The following DPP10 variants were observed in gnomAD, a reference collection of about 807,000 sequenced individuals.
DPP10 encodes the protein dipeptidyl peptidase like 10.
In DPP10, 33 loss-of-function variants were observed where a neutral mutation model predicts 120.9. The observed-to-expected ratio is 0.27, with a 90% confidence interval of 0.21 to 0.37. The LOEUF (loss-of-function observed/expected upper bound fraction) is 0.37. Among genes scored for constraint, DPP10 ranks in the 10% least tolerant of loss-of-function variants. The probability of loss-of-function intolerance (pLI) is 1.00; values close to 1 mark genes in which losing one functional copy is unlikely to be tolerated. For synonymous variants in DPP10, 337 were observed against 326.1 expected (o/e 1.03, Z -0.36); for missense variants, 816 against 942.8 (o/e 0.87, Z 1.76).
At chr2:115,447,867 C>T (rs2072754338) in intron 3 of DPP10, among the ~76,000 whole-genome samples, 1 of 152,180 alleles carries the variant, frequency 6.6e-6, no homozygotes, top group East Asian at 1.9e-4. Context: ...CATGTTTTAT[C>T]TCAACCAACA....
rs7565047 is a variant in DPP10, at chr2:114,550,481, G to A, written c.60+107643G>A. ...CACAGCCAGTAAGGAGCAGGGCTGG[G>A]ACTTCGACCAGACATCTGCTGGCAG... On this transcript the variant is annotated intron_variant, in intron 1 of 25. Coordinates refer to ENST00000410059, the MANE Select transcript of DPP10 (RefSeq NM_020868.6). Among the ~76,000 whole-genome samples the A allele has an allele frequency of 8.4e-3, 1,279 of 152,332 alleles. 17 individuals carry two copies. The highest frequency in any genetic ancestry group is 0.029 in the African/African-American group (1,194 of 41,572).
intron 5 of DPP10, among the ~76,000 whole-genome samples, chr2:115,659,651 A>G (rs996608179): frequency 2.6e-5 from 4 of 152,186 alleles, no homozygotes; most frequent in Non-Finnish European, 5.9e-5. Flanking sequence ...CCATAGGTGT[A>G]AAATGATGGC....
chr2:114,632,679 AT>A (rs1695022801), intron 1 of DPP10, among the ~76,000 whole-genome samples: 1 of 151,308 alleles, frequency 6.6e-6, no homozygotes, highest in African/African-American at 2.4e-5. Context: ...TGCCCAGCTA[AT>A]TTTTTGTATT....
At chr2:115,452,690 A>G (rs528013357) in intron 3 of DPP10, among the ~76,000 whole-genome samples, 1 of 152,002 alleles carries the variant, frequency 6.6e-6, no homozygotes, top group Non-Finnish European at 1.5e-5. Flanking sequence ...TTTACATGTC[A>G]TATGGGAGTG....
At chr2:115,017,409 T>C (rs892056766) in intron 1 of DPP10, among the ~76,000 whole-genome samples, 2 of 152,142 alleles carry the variant, frequency 1.3e-5, no homozygotes, top group Non-Finnish European at 2.9e-5. Context: ...TTGGTGGGAC[T>C]GTAAATTGGT....
chr2:114,981,441 A>G (rs1234272863), intron 1 of DPP10, among the ~76,000 whole-genome samples: 1 of 152,226 alleles, frequency 6.6e-6, no homozygotes, highest in East Asian at 1.9e-4. Context: ...TAAAAGATAT[A>G]CACATAAGTG....
chr2:115,328,412 A>T (rs910406449), intron 2 of DPP10, among the ~76,000 whole-genome samples: 3 of 152,048 alleles, frequency 2.0e-5, no homozygotes, highest in African/African-American at 7.2e-5. Context: ...GTAAATCCTA[A>T]AGCTCTTGAC....
intron 4 of DPP10, among the ~76,000 whole-genome samples, chr2:115,519,429 A>G (rs891563902): frequency 2.0e-5 from 3 of 152,162 alleles, no homozygotes; most frequent in Non-Finnish European, 4.4e-5. Flanking sequence ...ATATATATAT[A>G]GAGAGAGCAT....
chr2:115,472,394 C>A (rs1174102231), intron 3 of DPP10, among the ~76,000 whole-genome samples: 1 of 152,116 alleles, frequency 6.6e-6, no homozygotes, highest in Non-Finnish European at 1.5e-5. Context: ...AGATATATTA[C>A]AAAAGCAGAA....
At chr2:114,984,275 C>T (rs1700267143) in intron 1 of DPP10, among the ~76,000 whole-genome samples, 1 of 152,026 alleles carries the variant, frequency 6.6e-6, no homozygotes, top group South Asian at 2.1e-4. Context: ...ATCAAATGCA[C>T]CAATGCATTT....
At chr2:114,815,455 A>T (rs866956394) in intron 1 of DPP10, among the ~76,000 whole-genome samples, 6 of 152,294 alleles carry the variant, frequency 3.9e-5, no homozygotes, top group South Asian at 2.1e-4. Context: ...ATCTGTCTGC[A>T]TTGAGGGTAT....
chr2:115,118,458 G>T (rs2049643362), intron 1 of DPP10, among the ~76,000 whole-genome samples: 1 of 152,198 alleles, frequency 6.6e-6, no homozygotes, highest in Admixed American at 6.5e-5. Context: ...CTTGTTACCA[G>T]CAGCAAATGG....
chr2:115,699,143 C>T (rs2149526710), intron 7 of DPP10, among the ~76,000 whole-genome samples: 1 of 150,258 alleles, frequency 6.7e-6, no homozygotes, highest in South Asian at 2.1e-4. Flanking sequence ...GTACTATGAA[C>T]AATTGTATAC....
At chr2:115,406,196 A>G (rs1457090449) in intron 3 of DPP10, among the ~76,000 whole-genome samples, 3 of 152,196 alleles carry the variant, frequency 2.0e-5, no homozygotes, top group Admixed American at 2.0e-4. Flanking sequence ...GGGACACAAT[A>G]TGATCAAGTT....
At chr2:115,483,320 C>T (rs1030185014) in intron 3 of DPP10, among the ~76,000 whole-genome samples, 1 of 152,054 alleles carries the variant, frequency 6.6e-6, no homozygotes, top group Non-Finnish European at 1.5e-5. Context: ...TTACAGATAG[C>T]TAATGTAACC....
rs560936123 is a variant in DPP10, at chr2:114,955,302, C to T, written c.61-353937C>T. ...CTCTTGTCACCATTTTGGTTTTGGC[C>T]GGCTCCTTTACTGCAACCTGTTTTA... On this transcript the variant is annotated intron_variant, in intron 1 of 25. Transcript: ENST00000410059. Among the ~76,000 whole-genome samples, 182 of 152,194 alleles carry T rather than the reference C, an allele frequency of 1.2e-3. 1 individual carries two copies. Among genetic ancestry groups the T allele is most frequent in the Non-Finnish European group, 2.6e-4 (18 of 68,018 alleles).
At chr2:115,151,752 CT>C (rs2051576947) in intron 1 of DPP10, among the ~76,000 whole-genome samples, 1 of 148,486 alleles carries the variant, frequency 6.7e-6, no homozygotes, top group Non-Finnish European at 1.5e-5. Context: ...GCTTTATTCT[CT>C]CACTCAGAAA....
chr2:115,220,877 C>T (rs1299959893), intron 1 of DPP10, among the ~76,000 whole-genome samples: 2 of 150,740 alleles, frequency 1.3e-5, no homozygotes, highest in African/African-American at 4.9e-5. Flanking sequence ...CTCTCTATTT[C>T]ATATGTATAC....
chr2:115,168,706 C>T (rs1398108495), intron 1 of DPP10, among the ~76,000 whole-genome samples: 4 of 152,124 alleles, frequency 2.6e-5, no homozygotes, highest in African/African-American at 9.7e-5. Context: ...GAATGGTTGT[C>T]GTTTTCAGTA....
Sources: gnomAD v4.1 joint callset for allele counts (sites outside exome capture counted in the v4.1 genomes callset) on GRCh38, gnomAD v4.1.1 for gene constraint, MANE v1.5 for transcripts, NCBI Gene and HGNC (gene_info 2026-07-23, HGNC 2026-07-21) for gene names.